The following ZC3H12C variants were observed in gnomAD, a reference collection of about 807,000 sequenced individuals.
ZC3H12C encodes the protein probable ribonuclease ZC3H12C.
In ZC3H12C, 20 loss-of-function variants were observed where a neutral mutation model predicts 76.3. The ratio of observed to expected loss-of-function variants is 0.26; its 90% CI spans 0.18 to 0.38. ZC3H12C has a LOEUF of 0.38. ZC3H12C is among the 10% of genes least tolerant of loss of function. The probability of loss-of-function intolerance (pLI) is 1.00; values close to 1 mark genes in which losing one functional copy is unlikely to be tolerated. For synonymous variants in ZC3H12C, 352 were observed against 399.6 expected (o/e 0.88, Z 1.42); for missense variants, 874 against 1,086.5 (o/e 0.80, Z 2.75).
chr11:110,143,793 GATTA>G, intron 2 of ZC3H12C, among the ~76,000 whole-genome samples: 1 of 152,202 alleles, frequency 6.6e-6, no homozygotes, highest in South Asian at 2.1e-4. Flanking sequence ...CAAGTGCCAG[GATTA>G]CAGGCGTGAG....
At chr11:110,134,967 G>C (rs899324620) in intron 1 of ZC3H12C, among the ~76,000 whole-genome samples, 39 of 151,990 alleles carry the variant, frequency 2.6e-4, no homozygotes, top group African/African-American at 9.4e-4. Context: ...AGTTTACCAG[G>C]TATGCTTTCA....
At chr11:110,133,089 CTT>C (rs972244249) in intron 1 of ZC3H12C, among the ~76,000 whole-genome samples, 3 of 151,950 alleles carry the variant, frequency 2.0e-5, no homozygotes, top group Admixed American at 2.0e-4. Context: ...GTTTTTAAAT[CTT>C]TATCATGTAG....
intron 1 of ZC3H12C, among the ~76,000 whole-genome samples, chr11:110,112,326 A>G (rs751847930): frequency 1.3e-4 from 20 of 152,138 alleles, no homozygotes; most frequent in Non-Finnish European, 2.8e-4. Context: ...AGCCTCTCAA[A>G]TAACTGGAAT....
At chr11:110,112,888 G>T (rs1565250240) in intron 1 of ZC3H12C, among the ~76,000 whole-genome samples, 1 of 151,808 alleles carries the variant, frequency 6.6e-6, no homozygotes, top group African/African-American at 2.4e-5. Context: ...TCTTTCTGTT[G>T]TTCTAATTGA....
intron 2 of ZC3H12C, among the ~76,000 whole-genome samples, chr11:110,146,617 C>G (rs949007234): frequency 5.9e-5 from 9 of 152,168 alleles, no homozygotes; most frequent in Admixed American, 2.6e-4. Flanking sequence ...TAGTAGTGAC[C>G]TATTGACTTT....
At position 110,170,923 on chromosome 11, in the gene ZC3H12C, C is replaced by CTGT. The variant is rs1862666845; in HGVS notation, c.*5188_*5190dup. The CTGT allele has an allele frequency of 1.3e-5, 2 of 152,124 alleles. No individual in the cohort carries two copies. The highest frequency in any genetic ancestry group is 2.9e-5 in the Non-Finnish European group (2 of 68,014). 9.4% of individuals were successfully genotyped at this position (152,124 alleles called of 1,614,324 possible). ...AATTATTACTCCTGTTGCAGTGTTA[C>CTGT]TGTTATGTATTAGAAGTGGCTTTTC... is the stretch of plus-strand genomic sequence containing the variant. On this transcript the variant is annotated 3_prime_UTR_variant, in exon 6 of 6. Coordinates refer to ENST00000278590, the MANE Select transcript of ZC3H12C (RefSeq NM_033390.2).
intron 1 of ZC3H12C, among the ~76,000 whole-genome samples, chr11:110,119,561 C>T (rs1861616859): frequency 6.6e-6 from 1 of 152,222 alleles, no homozygotes; most frequent in South Asian, 2.1e-4. Flanking sequence ...GTTCCATGAG[C>T]ACACCATGCA....
chr11:110,105,272 A>G (rs1413727481), intron 1 of ZC3H12C, among the ~76,000 whole-genome samples: 1 of 152,132 alleles, frequency 6.6e-6, no homozygotes, highest in Non-Finnish European at 1.5e-5. Context: ...TGAGTTGATG[A>G]TCTTATGTAC....
At chr11:110,149,294 C>T (rs1278526464) in intron 2 of ZC3H12C, among the ~76,000 whole-genome samples, 3 of 152,124 alleles carry the variant, frequency 2.0e-5, no homozygotes, top group Non-Finnish European at 2.9e-5. Flanking sequence ...GCCTTTCCCT[C>T]GCCGTTTAAA....
chr11:110,098,324 ATG>A (rs1861150955), intron 1 of ZC3H12C, among the ~76,000 whole-genome samples: 2 of 152,240 alleles, frequency 1.3e-5, no homozygotes, highest in African/African-American at 4.8e-5. Flanking sequence ...TAGCTGTACA[ATG>A]TGTTTCTGTC....
chr11:110,104,173 A>G lies in ZC3H12C; in HGVS notation c.21+10741A>G, dbSNP rs75983509. On this transcript the variant is annotated intron_variant, in intron 1 of 5. Coordinates refer to ENST00000278590, the MANE Select transcript of ZC3H12C (RefSeq NM_033390.2). ...ATTTTCGTGCCTCAACCTCTCGGGT[A>G]GCTGGGTTATGGACCAGCTACCCGA... 5.3e-4 allele frequency among the ~76,000 whole-genome samples: 80 copies of G among 151,956 alleles called. No individual in the cohort carries two copies. In the East Asian group the frequency reaches 0.011, roughly 22 times the overall value.
rs1478231479 is a variant in ZC3H12C at position 110,165,497 on chromosome 11, T to C, written c.2412T>C (p.Tyr804=). ...CCGATAACTCCACACAGCCGTGTTATGAGCAGTTCACCTTCCAGAGCCTCC... is the reference window on the plus strand; with the variant it reads ...CCGATAACTCCACACAGCCGTGTTACGAGCAGTTCACCTTCCAGAGCCTCC... The part of the protein sequence containing the change: ...SLPDNSTQPC[Y]EQFTFQSLPE... Residue 804 remains tyrosine (Y), a synonymous_variant, in exon 6 of 6, where the codon TAT becomes TAC. Coordinates refer to ENST00000278590, the MANE Select transcript of ZC3H12C (RefSeq NM_033390.2). 1.2e-6 allele frequency: 2 copies of C among 1,613,900 alleles called. No individual in the cohort carries two copies. Among genetic ancestry groups the C allele is most frequent in the Non-Finnish European group, 1.7e-6 (2 of 1,179,892 alleles).
At chr11:110,133,765 G>A (rs961007487) in intron 1 of ZC3H12C, among the ~76,000 whole-genome samples, 2 of 152,112 alleles carry the variant, frequency 1.3e-5, no homozygotes, top group African/African-American at 4.8e-5. Flanking sequence ...ACATGGTATA[G>A]TAGGTTTAGG....
chr11:110,118,767 A>G (rs1861605092), intron 1 of ZC3H12C, among the ~76,000 whole-genome samples: 1 of 152,224 alleles, frequency 6.6e-6, no homozygotes, highest in Non-Finnish European at 1.5e-5. Context: ...ACTGCACTCC[A>G]GCCTGGGTGG....
chr11:110,148,312 T>C (rs1862207492), intron 2 of ZC3H12C, among the ~76,000 whole-genome samples: 1 of 152,242 alleles, frequency 6.6e-6, no homozygotes, highest in Non-Finnish European at 1.5e-5. Context: ...AGTATGCTTA[T>C]GCCAAATGTG....
intron 1 of ZC3H12C, among the ~76,000 whole-genome samples, chr11:110,119,942 C>G (rs1197034294): frequency 6.6e-6 from 1 of 152,148 alleles, no homozygotes; most frequent in Admixed American, 6.5e-5. Context: ...GCAGGGACAC[C>G]AACATTCAGA....
intron 1 of ZC3H12C, among the ~76,000 whole-genome samples, chr11:110,119,515 C>T (rs1364115491): frequency 1.3e-5 from 2 of 152,190 alleles, no homozygotes; most frequent in Non-Finnish European, 2.9e-5. Context: ...CCTGCTTCTT[C>T]TGGCTCTTCC....
At chr11:110,131,163 G>T in intron 1 of ZC3H12C, 2 of 1,309,752 alleles carry the variant, frequency 1.5e-6, no homozygotes, top group Non-Finnish European at 2.1e-6. Context: ...AATATTCAGA[G>T]TATTAATTTG....
In ZC3H12C at chr11:110,169,066, C is replaced by G. The variant is rs549734917; in HGVS notation, c.*3329C>G. 1 of 151,902 alleles carries G rather than the reference C, an allele frequency of 6.6e-6. No homozygotes were observed. The highest frequency in any genetic ancestry group is 2.1e-4 in the South Asian group (1 of 4,814). The allele number at this position is 151,902 out of a possible 1,614,324, so 9.4% of individuals were successfully genotyped here. On this transcript the variant is annotated 3_prime_UTR_variant, in exon 6 of 6. Coordinates refer to ENST00000278590, the MANE Select transcript of ZC3H12C (RefSeq NM_033390.2). ...TGAACGACCGAGTCTGGGGTCTGGA[C>G]GGCCAATGATAAGATTTAGAACCAC...
Sources: allele counts gnomAD v4.1 joint callset (sites outside exome capture counted in the v4.1 genomes callset), GRCh38; gene constraint gnomAD v4.1.1; transcripts MANE v1.5; gene names NCBI Gene and HGNC (gene_info 2026-07-23, HGNC 2026-07-21).